Variants in MYOM2 observed in about 807,000 individuals in gnomAD.
MYOM2 encodes the protein myomesin 2.
Under a neutral mutation model 187.6 loss-of-function variants are expected in MYOM2, and 254 were observed. The observed-to-expected ratio is 1.35, with a 90% CI of 1.22 to 1.50. The LOEUF is 1.50. Ranked by LOEUF, MYOM2 falls within the 40% of genes most tolerant of loss-of-function variation. The probability of loss-of-function intolerance (pLI) is 0.00; values close to 1 mark genes in which losing one functional copy is unlikely to be tolerated. For synonymous variants in MYOM2, 981 were observed against 753.8 expected (o/e 1.30, Z -4.94); for missense variants, 2,796 against 1,924.0 (o/e 1.45, Z -8.48).
Position 2,100,186 on chromosome 8 carries a change from T to TTCCCTCCC in MYOM2, c.2441-688_2441-681dup, listed in dbSNP as rs1796658182. On this transcript the variant is annotated intron_variant, in intron 19 of 36. Coordinates refer to ENST00000262113, the MANE Select transcript of MYOM2 (RefSeq NM_003970.4). The stretch of plus-strand genomic sequence containing the variant: ...CTTCCTTCCTTCCTTCCTTCCTTCC[T>TTCCCTCCC]TCCCTCCCTGCCTCCCGCCTTCTTT... Among the ~76,000 whole-genome samples the TTCCCTCCC allele has an allele frequency of 1.4e-5, 2 of 145,394 alleles. 1 individual carries two copies. Among genetic ancestry groups the TTCCCTCCC allele is most frequent in the African/African-American group, 5.1e-5 (2 of 39,436 alleles).
chr8:2,088,267 C>G (rs1183169156), intron 14 of MYOM2, among the ~76,000 whole-genome samples: 1 of 152,194 alleles, frequency 6.6e-6, no homozygotes, highest in Non-Finnish European at 1.5e-5. Flanking sequence ...GCAGCAAACA[C>G]ACATTTTTAA....
At chr8:2,128,920 A>C (rs1011729564) in intron 31 of MYOM2, among the ~76,000 whole-genome samples, 1 of 152,234 alleles carries the variant, frequency 6.6e-6, no homozygotes, top group East Asian at 1.9e-4. Flanking sequence ...AGCTTTTCAG[A>C]TAATTCTAGC....
chr8:2,051,470 T>G (rs1446436156), intron 2 of MYOM2, among the ~76,000 whole-genome samples: 3 of 152,126 alleles, frequency 2.0e-5, no homozygotes, highest in Non-Finnish European at 4.4e-5. Context: ...TGGAAGGCTG[T>G]GGTGAAGGGA....
In MYOM2 at chr8:2,098,976, G is replaced by A. The variant is rs148833861; in HGVS notation, c.2433G>A (p.Pro811=). The A allele has an allele frequency of 1.5e-4, 244 of 1,602,640 alleles. No individual in the cohort carries two copies. Among genetic ancestry groups the A allele is most frequent in the Admixed American group, 5.2e-4 (31 of 59,616 alleles). Reference sequence around the variant, plus strand: ...TCAAGTGTGAGGCCTGGACCATGCCGGAGCCCGGTGAGTCGCTGCCCCCAG... The same window carrying A: ...TCAAGTGTGAGGCCTGGACCATGCCAGAGCCCGGTGAGTCGCTGCCCCCAG... ...EHFKCEAWTM[P]EPGPAYDLTF... is the part of the protein sequence containing the mutation. The change falls in exon 19 of 37, where the codon CCG becomes CCA. Residue 811 remains proline (P), a synonymous_variant. Coordinates refer to ENST00000262113, the MANE Select transcript of MYOM2 (RefSeq NM_003970.4).
chr8:2,072,040 A>G (rs1411955281), intron 8 of MYOM2, among the ~76,000 whole-genome samples: 3 of 152,320 alleles, frequency 2.0e-5, no homozygotes, highest in African/African-American at 7.2e-5. Flanking sequence ...CGTGTGGAGC[A>G]CGGACCTGGC....
Position 2,106,375 on chromosome 8 carries a change from TA to T in MYOM2, c.2872del (p.Ile958LeufsTer12). 1 of 1,614,154 alleles carries T rather than the reference TA, an allele frequency of 6.2e-7. No individual in the cohort carries two copies. Among genetic ancestry groups the T allele is most frequent in the Non-Finnish European group, 8.5e-7 (1 of 1,179,996 alleles). On this transcript the variant is annotated frameshift_variant, in exon 22 of 37. Transcript: ENST00000262113. LOFTEE classifies it high-confidence loss of function. ...YEEISDDERFKIETVGDHSKL... is the reference protein window; with the variant it reads ...YEEISDDERFXIETVGDHSKL... ...AGGAGATTTCAGATGATGAGAGGTT[TA>T]AAATTGAAACCGTGGGGGATCAGTA...
At chr8:2,113,125 C>A (rs35528480) in intron 25 of MYOM2, among the ~76,000 whole-genome samples, 19,620 of 152,262 alleles carry the variant, frequency 0.13, 1,677 homozygotes, top group Non-Finnish European at 0.19. Context: ...TAACGCTGGG[C>A]ACGAGGAAGC....
intron 1 of MYOM2, 80 bp from the exon 2 acceptor site, chr8:2,050,675 C>G (rs1230212394): frequency 1.3e-6 from 1 of 798,446 alleles, no homozygotes. Context: ...TTCATTTTCC[C>G]CTTTGGAATG....
intron 6 of MYOM2, among the ~76,000 whole-genome samples, chr8:2,059,707 G>T (rs1443400158): frequency 1.3e-5 from 2 of 151,146 alleles, no homozygotes; most frequent in Non-Finnish European, 2.9e-5. Context: ...TTGCTGTATA[G>T]CTGGCATTTC....
chr8:2,059,138 G>T lies in MYOM2; in HGVS notation c.561-15G>T, dbSNP rs1278988925. On this transcript the variant is annotated splice_polypyrimidine_tract_variant and intron_variant, in intron 5 of 36. Coordinates refer to ENST00000262113, the MANE Select transcript of MYOM2 (RefSeq NM_003970.4). ...AACTCTGCCTTTAAACTAAAAACAT[G>T]CCTCCCTCATTTAGGTACAAAGATG... 2 of 1,611,718 alleles carry T rather than the reference G, an allele frequency of 1.2e-6. No individual in the cohort carries two copies. Among genetic ancestry groups the T allele is most frequent in the Non-Finnish European group, 1.7e-6 (2 of 1,178,094 alleles).
rs191068842 is a variant in MYOM2, at chr8:2,071,439, C to T, written c.794-906C>T. ...CACATATTTTTGAAATTTAACCAGG[C>T]TGACGCTTCTGGATCTAGTTACTTC... On this transcript the variant is annotated intron_variant, in intron 8 of 36. Coordinates refer to ENST00000262113, the MANE Select transcript of MYOM2 (RefSeq NM_003970.4). 4.6e-5 allele frequency among the ~76,000 whole-genome samples: 7 copies of T among 152,246 alleles called. No homozygotes were observed. The East Asian group carries it at 7.7e-4, about 17-fold the overall frequency.
chr8:2,063,889 C>A (rs1233250450), intron 6 of MYOM2, among the ~76,000 whole-genome samples: 4 of 152,234 alleles, frequency 2.6e-5, no homozygotes, highest in African/African-American at 9.6e-5. Context: ...CTCTCTCCAT[C>A]TATTCTGGGA....
At chr8:2,047,489 TGA>T (rs1818347499) in intron 1 of MYOM2, among the ~76,000 whole-genome samples, 1 of 152,164 alleles carries the variant, frequency 6.6e-6, no homozygotes, top group African/African-American at 2.4e-5. Context: ...GCAGAAGACT[TGA>T]GCTTGCTACT....
intron 18 of MYOM2, chr8:2,097,285 T>A (rs1220679708): frequency 1.1e-5 from 2 of 182,936 alleles, no homozygotes; most frequent in Admixed American, 6.5e-5. Context: ...ATTATTGATA[T>A]TTTGCCCACG....
At chr8:2,105,373 AT>A (rs1328295297) in intron 21 of MYOM2, among the ~76,000 whole-genome samples, 1 of 152,174 alleles carries the variant, frequency 6.6e-6, no homozygotes, top group Non-Finnish European at 1.5e-5. Flanking sequence ...GTCTCGTCCA[AT>A]TCCTAATTCC....
At chr8:2,059,320 G>A in intron 6 of MYOM2, 75 bp downstream of exon 6, 1 of 1,387,064 alleles carries the variant, frequency 7.2e-7, no homozygotes, top group East Asian at 2.3e-5. Context: ...GAAGTCAGAT[G>A]GGTAACTGGA....
At position 2,144,968 on chromosome 8, in the gene MYOM2, C is replaced by G; in HGVS notation, c.4385C>G (p.Ala1462Gly). The G allele has an allele frequency of 1.9e-6, 3 of 1,613,996 alleles. No homozygotes were observed. The highest frequency in any genetic ancestry group is 2.5e-6 in the Non-Finnish European group (3 of 1,179,990). Residue 1462 changes from alanine (A) to glycine (G), a missense_variant, in exon 37 of 37, where the codon GCG becomes GGG. Physicochemically the swap from Ala to Gly is moderately conservative, Grantham distance 60 (BLOSUM62 0). Coordinates refer to ENST00000262113, the MANE Select transcript of MYOM2 (RefSeq NM_003970.4). ...KPKLIPASASAAGQ is the reference protein window; with the variant it reads ...KPKLIPASASGAGQ ...AAGCTCATCCCCGCGTCTGCCTCAG[C>G]GGCAGGCCAGTGAAGGCGTTTTCCT...
chr8:2,126,915 TG>T (rs1269751090), intron 31 of MYOM2, among the ~76,000 whole-genome samples: 3 of 75,804 alleles, frequency 4.0e-5, no homozygotes, highest in African/African-American at 1.6e-4. Context: ...GGGGGAGCAC[TG>T]GGGGAGGCAG....
chr8:2,078,823 G>A lies in MYOM2; in HGVS notation c.1352G>A (p.Arg451Lys), dbSNP rs1819523446. The A allele has an allele frequency of 6.2e-7, 1 of 1,614,018 alleles. No homozygotes were observed. Among genetic ancestry groups the A allele is most frequent in the African/African-American group, 1.3e-5 (1 of 74,922 alleles). ...KYPVTGLFEG[R>K]SYIFRVRAVN... ...CCGGTCACAGGGCTTTTTGAAGGAA[G>A]GTCTTACATATTCCGAGTGAGGGCA... Residue 451 changes from arginine (R) to lysine (K), a missense_variant, in exon 12 of 37, where the codon AGG (arginine) becomes AAG (lysine). By Grantham distance (26) the Arg-to-Lys change is conservative. Coordinates refer to ENST00000262113, the MANE Select transcript of MYOM2 (RefSeq NM_003970.4).
Sources: allele counts gnomAD v4.1 joint callset (sites outside exome capture counted in the v4.1 genomes callset), GRCh38; gene constraint gnomAD v4.1.1; transcripts MANE v1.5; gene names NCBI Gene and HGNC (gene_info 2026-07-23, HGNC 2026-07-21).